Variants in LRRTM4 observed in about 807,000 individuals in gnomAD.
LRRTM4 encodes leucine rich repeat transmembrane neuronal 4.
A neutral mutation model predicts 47.6 loss-of-function variants in LRRTM4; 25 were observed. The observed-to-expected ratio is 0.53, with a 90% CI of 0.38 to 0.73. The LOEUF is 0.73. Among genes scored for constraint, LRRTM4 ranks in the 30% least tolerant of loss-of-function variants. LRRTM4 has a pLI of 0.00. For missense variants in LRRTM4, 638 were observed against 713.4 expected, an observed-to-expected ratio of 0.89 and a Z score of 1.20; for synonymous variants, 311 against 269.5, an observed-to-expected ratio of 1.15 and a Z score of -1.51.
chr2:76,974,223 CATACATATATATATAT>C (rs1308048942), intron 3 of LRRTM4, among the ~76,000 whole-genome samples: 4 of 115,978 alleles, frequency 3.4e-5, no homozygotes, highest in African/African-American at 1.7e-4. Flanking sequence ...CATATATATA[CATACATATATATATAT>C]ACATATATAT....
chr2:77,324,632 G>A (rs1670687018), intron 3 of LRRTM4, among the ~76,000 whole-genome samples: 1 of 152,130 alleles, frequency 6.6e-6, no homozygotes. Flanking sequence ...ATAGAGTGAG[G>A]TATGGAATTT....
chr2:76,895,628 C>T (rs553698627), intron 3 of LRRTM4, among the ~76,000 whole-genome samples: 8 of 152,022 alleles, frequency 5.3e-5, no homozygotes, highest in Non-Finnish European at 1.0e-4. Flanking sequence ...CCATGATCTA[C>T]CCATAAATCC....
intron 3 of LRRTM4, among the ~76,000 whole-genome samples, chr2:77,435,547 T>C (rs1675556018): frequency 1.3e-5 from 2 of 152,112 alleles, no homozygotes; most frequent in African/African-American, 2.4e-5. Flanking sequence ...AACATTTGTT[T>C]AAAGGTCATG....
intron 3 of LRRTM4, among the ~76,000 whole-genome samples, chr2:77,492,440 G>T (rs974091773): frequency 6.6e-6 from 1 of 152,022 alleles, no homozygotes; most frequent in African/African-American, 2.4e-5. Flanking sequence ...TTAATTTTGT[G>T]TGGAGATGGG....
intron 3 of LRRTM4, among the ~76,000 whole-genome samples, chr2:77,268,877 T>C (rs1676121383): frequency 1.3e-5 from 2 of 152,156 alleles, no homozygotes; most frequent in Admixed American, 1.3e-4. Context: ...ACTTCTGGCA[T>C]TTGTTTGAAA....
chr2:76,977,602 A>T (rs1432616991), intron 3 of LRRTM4, among the ~76,000 whole-genome samples: 1 of 151,988 alleles, frequency 6.6e-6, no homozygotes. Flanking sequence ...TAAATGCAAT[A>T]ACCATCACTA....
chr2:77,171,873 G>C (rs549711196), intron 3 of LRRTM4, among the ~76,000 whole-genome samples: 3 of 152,100 alleles, frequency 2.0e-5, no homozygotes, highest in Admixed American at 1.3e-4. Flanking sequence ...TTCCAAAGGG[G>C]AAGATTTTCA....
At chr2:77,374,158 C>A (rs576554397) in intron 3 of LRRTM4, among the ~76,000 whole-genome samples, 1 of 151,170 alleles carries the variant, frequency 6.6e-6, no homozygotes, top group Admixed American at 6.6e-5. Context: ...TAGGAAGATG[C>A]GAAGATGTGA....
intron 3 of LRRTM4, among the ~76,000 whole-genome samples, chr2:77,103,520 G>C: frequency 6.6e-6 from 1 of 151,974 alleles, no homozygotes; most frequent in South Asian, 2.1e-4. Context: ...GAAAAAAAGC[G>C]GACCAAGTTT....
chr2:77,235,212 G>GT (rs991818378), intron 3 of LRRTM4, among the ~76,000 whole-genome samples: 1 of 151,898 alleles, frequency 6.6e-6, no homozygotes, highest in Non-Finnish European at 1.5e-5. Context: ...GCATCTGTTG[G>GT]TTTTTTACTA....
intron 3 of LRRTM4, among the ~76,000 whole-genome samples, chr2:76,765,347 G>A (rs910974909): frequency 6.6e-6 from 1 of 152,084 alleles, no homozygotes; most frequent in Non-Finnish European, 1.5e-5. Context: ...GTTTATACAG[G>A]AAAAAGTTAA....
At chr2:77,020,459 T>G (rs989628054) in intron 3 of LRRTM4, among the ~76,000 whole-genome samples, 1 of 152,118 alleles carries the variant, frequency 6.6e-6, no homozygotes, top group African/African-American at 2.4e-5. Flanking sequence ...GCAGATCCCA[T>G]CAGCTACACA....
intron 3 of LRRTM4, among the ~76,000 whole-genome samples, chr2:77,250,308 T>C (rs1675568394): frequency 6.6e-6 from 1 of 152,158 alleles, no homozygotes. Context: ...ATAATGATTT[T>C]CTTTGTGTGA....
intron 3 of LRRTM4, among the ~76,000 whole-genome samples, chr2:76,933,553 C>T (rs1415896542): frequency 1.3e-5 from 2 of 152,028 alleles, no homozygotes; most frequent in Admixed American, 1.3e-4. Context: ...AAGTTATCCT[C>T]AGGTATTAAA....
chr2:77,490,478 G>C (rs1275283002), intron 3 of LRRTM4, among the ~76,000 whole-genome samples: 1 of 152,100 alleles, frequency 6.6e-6, no homozygotes, highest in Non-Finnish European at 1.5e-5. Context: ...AGAGACTTAA[G>C]TTCCTCCTAC....
At chr2:76,850,338 A>T (rs1158250114) in intron 3 of LRRTM4, among the ~76,000 whole-genome samples, 2 of 152,170 alleles carry the variant, frequency 1.3e-5, no homozygotes, top group African/African-American at 4.8e-5. Context: ...GTAAAAACGG[A>T]AGCAATTGTG....
rs114724450 is a variant in LRRTM4, at chr2:77,297,834, A to G, written c.1551+220484T>C. On this transcript the variant is annotated intron_variant, in intron 3 of 3. Transcript: ENST00000409884. ...TAATTCATCAATTTGAGCTTCTCCA[A>G]AACATCCACCTTTGTTACAATGCTG... Among the ~76,000 whole-genome samples the G allele has an allele frequency of 2.8e-3, 429 of 152,336 alleles. 1 individual carries two copies. Among genetic ancestry groups the G allele is most frequent in the African/African-American group, 9.6e-3 (400 of 41,582 alleles).
intron 3 of LRRTM4, among the ~76,000 whole-genome samples, chr2:76,973,625 A>G (rs182642293): frequency 6.6e-6 from 1 of 152,054 alleles, no homozygotes; most frequent in East Asian, 2.0e-4. Flanking sequence ...GCTCTAATAT[A>G]TACTTTTGAC....
intron 3 of LRRTM4, among the ~76,000 whole-genome samples, chr2:77,212,318 T>G (rs1674314611): frequency 6.6e-6 from 1 of 150,718 alleles, no homozygotes; most frequent in East Asian, 1.9e-4. Flanking sequence ...TAATACAAAG[T>G]GGTTTATAAT....
Sources: allele counts gnomAD v4.1 joint callset (sites outside exome capture counted in the v4.1 genomes callset), GRCh38; gene constraint gnomAD v4.1.1; transcripts MANE v1.5; gene names NCBI Gene and HGNC (gene_info 2026-07-23, HGNC 2026-07-21).